Variants in IGSF3 observed in about 807,000 individuals in gnomAD.
IGSF3 encodes glu-Trp-Ile EWI motif-containing protein 3.
IGSF3 carries 23 observed loss-of-function variants against 114.4 expected under a neutral mutation model. The observed-to-expected ratio is 0.20, with a 90% CI of 0.14 to 0.28. IGSF3 has a LOEUF of 0.28. Among genes scored for constraint, IGSF3 ranks in the 10% least tolerant of loss-of-function variants. The pLI is 1.00. For missense variants in IGSF3, 1,172 were observed against 1,591.5 expected, an observed-to-expected ratio of 0.74 and a Z score of 4.48; for synonymous variants, 571 against 645.2, an observed-to-expected ratio of 0.88 and a Z score of 1.74.
Position 116,616,128 on chromosome 1 carries a change from T to G in IGSF3, c.373A>C (p.Thr125Pro). 6.2e-7 allele frequency: 1 copy of G among 1,613,590 alleles called. No individual in the cohort carries two copies. Among genetic ancestry groups the G allele is most frequent in the Non-Finnish European group, 8.5e-7 (1 of 1,179,500 alleles). The change falls in exon 3 of 11, where the codon ACT (threonine) becomes CCT (proline). Residue 125 changes from threonine (T) to proline (P), a missense_variant. By Grantham distance (38) the Thr-to-Pro change is conservative. Transcript: ENST00000369486. This position sits in a 1 kb window ranked among gnomAD's most constrained non-coding sequence, Gnocchi z 6.6. Reference protein sequence around the residue: ...AGEYECHTPSTDKQYFGSYSA... With the variant: ...AGEYECHTPSPDKQYFGSYSA... ...TAACTCCCAAAGTATTGCTTATCAG[T>G]GCTGGGTGTGTGGCATTCATACTCC...
At chr1:116,580,018 T>C (rs1271342241) in intron 9 of IGSF3, 141 bp from the exon 10 acceptor site, 1 of 776,360 alleles carries the variant, frequency 1.3e-6, no homozygotes, top group African/African-American at 1.8e-5. Flanking sequence ...GCATAGGCAG[T>C]GCTACAGGTG....
rs747747769 is a variant in IGSF3, at chr1:116,616,369, C to T, written c.132G>A (p.Val44=). The T allele has an allele frequency of 1.2e-6, 2 of 1,611,982 alleles. No homozygotes were observed. Among genetic ancestry groups the T allele is most frequent in the Non-Finnish European group, 1.7e-6 (2 of 1,179,768 alleles). The change falls in exon 3 of 11, where the codon GTG becomes GTA. Residue 44 remains valine (V), a synonymous_variant. Coordinates refer to ENST00000369486, the MANE Select transcript of IGSF3 (RefSeq NM_001007237.3). This position sits in a 1 kb window ranked among gnomAD's most constrained non-coding sequence, Gnocchi z 6.6. ...GCTCAGAAGGTCCCTGGTAGCCACT[C>T]ACATTGCACCAGATAGTGATGTGGG... ...EGSHITIWCN[V]SGYQGPSEQN...
rs947290641 is a variant in IGSF3, at chr1:116,614,592, G to A, written c.422-417C>T. Among the ~76,000 whole-genome samples the A allele has an allele frequency of 3.9e-5, 6 of 152,132 alleles. No homozygotes were observed. Among genetic ancestry groups the A allele is most frequent in the Non-Finnish European group, 8.8e-5 (6 of 68,032 alleles). On this transcript the variant is annotated intron_variant, in intron 3 of 10. Coordinates refer to ENST00000369486, the MANE Select transcript of IGSF3 (RefSeq NM_001007237.3). This position sits in a 1 kb window ranked among gnomAD's most constrained non-coding sequence, Gnocchi z 4.5. ...ATGGAAATGCCTCCTGGAACTTTTA[G>A]TTTTACATTTCTATACAACATCCTT...
rs987983849 is a variant in IGSF3 at position 116,603,294 on chromosome 1, A to G, written c.1624+330T>C. Among the ~76,000 whole-genome samples, 7 of 152,090 alleles carry G rather than the reference A, an allele frequency of 4.6e-5. No individual in the cohort carries two copies. Among genetic ancestry groups the G allele is most frequent in the Admixed American group, 4.6e-4 (7 of 15,276 alleles). ...TGCTCCTCCACCTGGGGCCACCACT[A>G]TGGCTGGGTGGCTTCACTAACCTGG... On this transcript the variant is annotated intron_variant, in intron 6 of 10. Transcript: ENST00000369486. This position sits in a 1 kb window ranked among gnomAD's most constrained non-coding sequence, Gnocchi z 7.1.
At chr1:116,602,330 C>T (rs1187150104) in intron 6 of IGSF3, among the ~76,000 whole-genome samples, 2 of 151,004 alleles carry the variant, frequency 1.3e-5, no homozygotes, top group Non-Finnish European at 2.9e-5. Context: ...ACTCTAATCA[C>T]TCATTGGACA....
At position 116,599,148 on chromosome 1, in the gene IGSF3, T is replaced by G. The variant is rs1660464936; in HGVS notation, c.2029+793A>C. Among the ~76,000 whole-genome samples, 3 of 152,084 alleles carry G rather than the reference T, an allele frequency of 2.0e-5. No individual in the cohort carries two copies. The South Asian group carries it at 6.2e-4, about 32-fold the overall frequency. ...TAGTCACTTAAATCTTTCCTGGGGTTGTTGTGCAATTCTAATAAAGTAACT... is the reference window on the plus strand; with the variant it reads ...TAGTCACTTAAATCTTTCCTGGGGTGGTTGTGCAATTCTAATAAAGTAACT... On this transcript the variant is annotated intron_variant, in intron 7 of 10. Transcript: ENST00000369486.
intron 2 of IGSF3, among the ~76,000 whole-genome samples, chr1:116,623,650 C>T (rs975511701): frequency 1.3e-5 from 2 of 151,774 alleles, no homozygotes; most frequent in Non-Finnish European, 2.9e-5. Context: ...CCAGCCCATT[C>T]GGTCAATGTC....
rs1296937888 is a variant in IGSF3 at position 116,613,756 on chromosome 1, G to A, written c.832+9C>T. On this transcript the variant is annotated intron_variant, in intron 4 of 10. Transcript: ENST00000369486. Reference sequence around the variant, plus strand: ...TAAAGGACAGGACAAGAGGCTCAGAGGGACTGACCAGTTGGCTGGACGTTG... The same window carrying A: ...TAAAGGACAGGACAAGAGGCTCAGAAGGACTGACCAGTTGGCTGGACGTTG... The A allele has an allele frequency of 6.2e-7, 1 of 1,610,826 alleles. No homozygotes were observed. The highest frequency in any genetic ancestry group is 2.2e-5 in the East Asian group (1 of 44,812).
In IGSF3 at chr1:116,598,452, T is replaced by C. The variant is rs983513725; in HGVS notation, c.2029+1489A>G. Among the ~76,000 whole-genome samples the C allele has an allele frequency of 6.6e-5, 10 of 152,200 alleles. No homozygotes were observed. The highest frequency in any genetic ancestry group is 2.1e-4 in the South Asian group (1 of 4,836). ...TGTCAGTCGAAGTTTAGGCTGTCAT[T>C]GGCCAAGGGAACAGTCTCGTCATTT... is the stretch of plus-strand genomic sequence containing the variant. On this transcript the variant is annotated intron_variant, in intron 7 of 10. Coordinates refer to ENST00000369486, the MANE Select transcript of IGSF3 (RefSeq NM_001007237.3). The surrounding 1 kb of genome is among the most constrained non-coding windows in gnomAD (Gnocchi z 4.3).
intron 1 of IGSF3, among the ~76,000 whole-genome samples, chr1:116,667,340 G>A (rs1649377601): frequency 2.0e-5 from 3 of 152,132 alleles, no homozygotes; most frequent in Admixed American, 2.0e-4. Context: ...CGCGTCCCAG[G>A]TGGCCCCGCT....
At position 116,605,868 on chromosome 1, in the gene IGSF3, T is replaced by A. The variant is rs975131655; in HGVS notation, c.1223-1843A>T. Among the ~76,000 whole-genome samples the A allele has an allele frequency of 6.0e-4, 92 of 152,198 alleles. No homozygotes were observed. The highest frequency in any genetic ancestry group is 4.4e-5 in the Non-Finnish European group (3 of 68,042). ...ACCTCACTCTCATCCCCTACTGTCA[T>A]CCCAGTGGACGCTTATCCAAGTCCT... On this transcript the variant is annotated intron_variant, in intron 5 of 10. Transcript: ENST00000369486. This position sits in a 1 kb window ranked among gnomAD's most constrained non-coding sequence, Gnocchi z 5.1.
chr1:116,585,141 C>A lies in IGSF3; in HGVS notation c.2441-89G>T. ...CCCAGGGTAGGTGAATGGATGCCTT[C>A]CAAATACAGAAGGACGGCAGCACAC... On this transcript the variant is annotated intron_variant, in intron 8 of 10. Coordinates refer to ENST00000369486, the MANE Select transcript of IGSF3 (RefSeq NM_001007237.3). This position sits in a 1 kb window ranked among gnomAD's most constrained non-coding sequence, Gnocchi z 4.9. The A allele has an allele frequency of 1.0e-6, 1 of 993,366 alleles. No homozygotes were observed. The highest frequency in any genetic ancestry group is 2.5e-5 in the Admixed American group (1 of 40,160). 61.5% of individuals were successfully genotyped at this position (993,366 alleles called of 1,614,324 possible).
intron 2 of IGSF3, among the ~76,000 whole-genome samples, chr1:116,663,843 G>T (rs1470463754): frequency 6.6e-6 from 1 of 152,120 alleles, no homozygotes; most frequent in African/African-American, 2.4e-5. Context: ...AGAGCACTTA[G>T]CCTTATCCAA....
chr1:116,594,324 A>G lies in IGSF3; in HGVS notation c.2030-5220T>C, dbSNP rs1350908077. 6.6e-6 allele frequency among the ~76,000 whole-genome samples: 1 copy of G among 152,226 alleles called. No individual in the cohort carries two copies. The highest frequency in any genetic ancestry group is 2.4e-5 in the African/African-American group (1 of 41,464). ...TATCCCACAACTAGGACAATATAGC[A>G]AATTTTAAAGATATGATTAGGAATG... On this transcript the variant is annotated intron_variant, in intron 7 of 10. Transcript: ENST00000369486. This position sits in a 1 kb window ranked among gnomAD's most constrained non-coding sequence, Gnocchi z 5.2.
Position 116,616,374 on chromosome 1 carries a change from T to G in IGSF3, c.127A>C (p.Asn43His), listed in dbSNP as rs1354046411. The G allele has an allele frequency of 7.4e-6, 12 of 1,611,596 alleles. No homozygotes were observed. The highest frequency in any genetic ancestry group is 1.0e-5 in the Non-Finnish European group (12 of 1,179,530). ...TEGSHITIWC[N>H]VSGYQGPSEQ... Reference sequence around the variant, plus strand: ...GAAGGTCCCTGGTAGCCACTCACATTGCACCAGATAGTGATGTGGGAGCCC... The same window carrying G: ...GAAGGTCCCTGGTAGCCACTCACATGGCACCAGATAGTGATGTGGGAGCCC... Residue 43 changes from asparagine (N) to histidine (H), a missense_variant, in exon 3 of 11, where the codon AAT (asparagine) becomes CAT (histidine). Transcript: ENST00000369486. The surrounding 1 kb of genome is among the most constrained non-coding windows in gnomAD (Gnocchi z 6.6).
At position 116,628,634 on chromosome 1, in the gene IGSF3, A is replaced by G. The variant is rs1274609163; in HGVS notation, c.44-12177T>C. On this transcript the variant is annotated intron_variant, in intron 2 of 10. Coordinates refer to ENST00000369486, the MANE Select transcript of IGSF3 (RefSeq NM_001007237.3). The surrounding 1 kb of genome is among the most constrained non-coding windows in gnomAD (Gnocchi z 4.2). ...TCTAGCATACTCATAAAGCATGAAC[A>G]TCTACACGTAACTAAAAATAAATAC... Among the ~76,000 whole-genome samples the G allele has an allele frequency of 1.3e-5, 2 of 152,152 alleles. No individual in the cohort carries two copies. The highest frequency in any genetic ancestry group is 4.8e-5 in the African/African-American group (2 of 41,416).
rs74764799 is a variant in IGSF3 at position 116,599,124 on chromosome 1, A to G, written c.2029+817T>C. 0.011 allele frequency among the ~76,000 whole-genome samples: 1,656 copies of G among 152,158 alleles called. 76 individuals are homozygous for G. The East Asian group carries it at 0.14, about 12-fold the overall frequency. ...AGGTGGAGCCTAGTGACCTTAAGCT[A>G]GTCACTTAAATCTTTCCTGGGGTTG... On this transcript the variant is annotated intron_variant, in intron 7 of 10. Coordinates refer to ENST00000369486, the MANE Select transcript of IGSF3 (RefSeq NM_001007237.3).
rs751811650 is a variant in IGSF3 at position 116,608,233 on chromosome 1, C to T, written c.931G>A (p.Asp311Asn). 19 of 1,609,628 alleles carry T rather than the reference C, an allele frequency of 1.2e-5. No individual in the cohort carries two copies. The highest frequency in any genetic ancestry group is 1.1e-4 in the South Asian group (10 of 90,794). Reference protein sequence around the residue: ...RCILEAQNVPDRYFAVSWAFN... With the variant: ...RCILEAQNVPNRYFAVSWAFN... ...GCCCAGGAGACAGCAAAGTAACGGTCGGGAACATTCTGAGCCTCCAGGATG... is the reference window on the plus strand; with the variant it reads ...GCCCAGGAGACAGCAAAGTAACGGTTGGGAACATTCTGAGCCTCCAGGATG... The change falls in exon 5 of 11, where the codon GAC becomes AAC. Residue 311 changes from aspartate to asparagine, a missense_variant. By Grantham distance (23) the Asp-to-Asn change is conservative (BLOSUM62 1). Transcript: ENST00000369486.
chr1:116,586,883 C>G (rs886605967), intron 8 of IGSF3, among the ~76,000 whole-genome samples: 3 of 152,076 alleles, frequency 2.0e-5, no homozygotes, highest in Non-Finnish European at 4.4e-5. Flanking sequence ...GCCCCAGGGA[C>G]TGGCCTGAAG....
Sources: allele counts gnomAD v4.1 joint callset (sites outside exome capture counted in the v4.1 genomes callset), GRCh38; gene constraint gnomAD v4.1.1; non-coding constraint Gnocchi (gnomAD v3.1); transcripts MANE v1.5; gene names NCBI Gene and HGNC (gene_info 2026-07-23, HGNC 2026-07-21).